Variants in ZSCAN32 observed in about 807,000 individuals in gnomAD.
ZSCAN32 encodes zinc finger and SCAN domain-containing protein 32.
ZSCAN32 carries 52 observed loss-of-function variants against 47.4 expected under a neutral mutation model. That is an observed-to-expected ratio of 1.10 (90% CI 0.88 to 1.38). ZSCAN32 has a LOEUF of 1.38. ZSCAN32 is among the 40% of genes most tolerant of loss of function. The pLI is 0.00. For synonymous variants in ZSCAN32, 346 were observed against 305.7 expected, an observed-to-expected ratio of 1.13 and a Z score of -1.38; for missense variants, 959 against 846.0, an observed-to-expected ratio of 1.13 and a Z score of -1.66.
Position 3,397,643 on chromosome 16 carries a change from T to G in ZSCAN32, c.-86A>C, listed in dbSNP as rs977032043. 11 of 1,427,712 alleles carry G rather than the reference T, an allele frequency of 7.7e-6. No homozygotes were observed. Among genetic ancestry groups the G allele is most frequent in the Non-Finnish European group, 1.0e-5 (11 of 1,084,204 alleles). The allele number at this position is 1,427,712 out of a possible 1,614,324, so 88.4% of individuals were successfully genotyped here. ...TTTCCCACATCACTGGGAAGCCATG[T>G]TCTCCTGCAAGGAATGTCTTTCTGT... is the stretch of plus-strand genomic sequence containing the variant. On this transcript the variant is annotated 5_prime_UTR_variant, in exon 2 of 7. Transcript: ENST00000396852.
rs2033454325 is a variant in ZSCAN32, at chr16:3,397,228, A to C, written c.330T>G (p.Ala110=). The change falls in exon 2 of 7, where the codon GCT becomes GCG. Residue 110 remains alanine (A), a synonymous_variant. Transcript: ENST00000396852. ...GAGCTCTCTGTACATCCTCAACCAG[A>C]GCCACAGCTTCCTCGCCGTTTTCTG... ...QHPENGEEAV[A]LVEDVQRAPG... is the part of the protein sequence containing the mutation. 1 of 1,556,968 alleles carries C rather than the reference A, an allele frequency of 6.4e-7. No individual in the cohort carries two copies. The highest frequency in any genetic ancestry group is 8.7e-7 in the Non-Finnish European group (1 of 1,150,546).
rs1296691704 is a variant in ZSCAN32, at chr16:3,393,673, G to A, written c.508C>T (p.Gln170Ter). Residue 170 changes from glutamine to a stop codon, truncating the protein, a stop_gained, in exon 3 of 7, where the codon CAA (glutamine) becomes TAA (stop). Transcript: ENST00000396852. LOFTEE classifies it high-confidence loss of function. ...CCTTCTGACTGTTCCCCTGGTCTTT[G>A]GTGTGAGCTCTGTGATCCCTTAAAA... is the stretch of plus-strand genomic sequence containing the variant. ...PTFKGSQSSH[Q>*]RPGEQSEAWL... is the part of the protein sequence containing the mutation. 1 of 1,549,022 alleles carries A rather than the reference G, an allele frequency of 6.5e-7. No individual in the cohort carries two copies. Among genetic ancestry groups the A allele is most frequent in the Non-Finnish European group, 8.7e-7 (1 of 1,146,458 alleles).
Position 3,384,769 on chromosome 16 carries a change from G to C in ZSCAN32, c.924C>G (p.Thr308=). Residue 308 remains threonine, a synonymous_variant, in exon 6 of 7, where the codon ACC becomes ACG. Coordinates refer to ENST00000396852, the MANE Select transcript of ZSCAN32 (RefSeq NM_001284527.2). The part of the protein sequence containing the change: ...GFLRTPEQCR[T]KFKSLQLSYR... Reference sequence around the variant, plus strand: ...AACTCAACTGTAGGCTTTTGAACTTGGTGCGACACTGTTCTGGGGTCCGCA... The same window carrying C: ...AACTCAACTGTAGGCTTTTGAACTTCGTGCGACACTGTTCTGGGGTCCGCA... 6.2e-7 allele frequency: 1 copy of C among 1,614,174 alleles called. No individual in the cohort carries two copies. Among genetic ancestry groups the C allele is most frequent in the Non-Finnish European group, 8.5e-7 (1 of 1,180,040 alleles).
intron 3 of ZSCAN32, among the ~76,000 whole-genome samples, chr16:3,392,697 G>A (rs955916690): frequency 6.6e-6 from 1 of 151,950 alleles, no homozygotes; most frequent in Non-Finnish European, 1.5e-5. Context: ...CATGGTGGCG[G>A]GTGCTTTAGT....
At position 3,383,081 on chromosome 16, in the gene ZSCAN32, G is replaced by A; in HGVS notation, c.1865C>T (p.Ala622Val). 1 of 1,614,194 alleles carries A rather than the reference G, an allele frequency of 6.2e-7. No homozygotes were observed. ...CTCCCCAGTGTGGATGCGCCGGTGA[G>A]CACTGAACTGGGAACTGTTGTTGAA... ...KRFNNSSQFS[A>V]HRRIHTGESP... is the part of the protein sequence containing the mutation. Residue 622 changes from alanine to valine, a missense_variant, in exon 7 of 7, where the codon GCT becomes GTT. By Grantham distance (64) the Ala-to-Val change is moderately conservative. Transcript: ENST00000396852.
Position 3,390,135 on chromosome 16 carries a change from T to C in ZSCAN32, c.628-2A>G. 1.2e-6 allele frequency: 2 copies of C among 1,606,420 alleles called. No homozygotes were observed. The highest frequency in any genetic ancestry group is 1.7e-6 in the Non-Finnish European group (2 of 1,176,306). On this transcript the variant is annotated splice_acceptor_variant, in intron 4 of 6. Transcript: ENST00000396852. LOFTEE classifies it high-confidence loss of function. ...TCTGTTGTCACGCATGGCTGGTCCC[T>C]GTAACAACACTGGAGCTGCTGCTAC... is the stretch of plus-strand genomic sequence containing the variant.
chr16:3,389,925 C>A, intron 5 of ZSCAN32, 85 bp downstream of exon 5: 4 of 1,385,440 alleles, frequency 2.9e-6, no homozygotes. Context: ...CCCACTCCCT[C>A]TGTCTCCCTC....
At chr16:3,390,311 AC>A in intron 4 of ZSCAN32, 111 bp downstream of exon 4, 1 of 1,355,374 alleles carries the variant, frequency 7.4e-7, no homozygotes, top group Non-Finnish European at 1.0e-6. Context: ...AATCAAAATA[AC>A]CCGAGAAGCC....
intron 5 of ZSCAN32, among the ~76,000 whole-genome samples, chr16:3,387,060 A>C (rs769703354): frequency 1.3e-5 from 2 of 152,190 alleles, no homozygotes; most frequent in Admixed American, 1.3e-4. Flanking sequence ...CTTTTAGTAT[A>C]ATACAAAAGA....
rs2031692809 is a variant in ZSCAN32, at chr16:3,384,503, TC to T, written c.1189del (p.Glu397LysfsTer5). 5 of 1,614,176 alleles carry T rather than the reference TC, an allele frequency of 3.1e-6. No individual in the cohort carries two copies. Among genetic ancestry groups the T allele is most frequent in the Non-Finnish European group, 4.2e-6 (5 of 1,180,026 alleles). ...DEKDFRNPGQ[E>X]VRKLDLPVLF... ...CACTGGCAGGTCTAGTTTCCTGACT[TC>T]CTGGCCAGGATTCCTGAAGTCCTTT... On this transcript the variant is annotated frameshift_variant, in exon 6 of 7. Transcript: ENST00000396852. LOFTEE classifies it low-confidence loss of function (END_TRUNC).
chr16:3,386,857 G>C (rs1291298719), intron 5 of ZSCAN32, among the ~76,000 whole-genome samples: 2 of 151,520 alleles, frequency 1.3e-5, no homozygotes, highest in African/African-American at 4.9e-5. Flanking sequence ...CGAGTTCATG[G>C]GTGCAGCACA....
At chr16:3,386,098 GA>G (rs1567306728) in intron 5 of ZSCAN32, among the ~76,000 whole-genome samples, 1 of 151,868 alleles carries the variant, frequency 6.6e-6, no homozygotes, top group Non-Finnish European at 1.5e-5. Context: ...AAATTTACAA[GA>G]AAAAAACAAC....
chr16:3,400,813 C>A (rs1271860573), intron 1 of ZSCAN32, 132 bp downstream of exon 1: 3 of 152,266 alleles, frequency 2.0e-5, no homozygotes, highest in Non-Finnish European at 4.4e-5. Context: ...AGGGAGGCTG[C>A]CTGTCCCAAG....
intron 5 of ZSCAN32, among the ~76,000 whole-genome samples, chr16:3,389,255 C>T (rs979416264): frequency 6.6e-6 from 1 of 152,154 alleles, no homozygotes; most frequent in Non-Finnish European, 1.5e-5. Flanking sequence ...GGAAAAACCA[C>T]ACACCACTGG....
chr16:3,383,048 T>C lies in ZSCAN32; in HGVS notation c.1898A>G (p.Tyr633Cys). 2 of 1,614,176 alleles carry C rather than the reference T, an allele frequency of 1.2e-6. No individual in the cohort carries two copies. Among genetic ancestry groups the C allele is most frequent in the Non-Finnish European group, 1.7e-6 (2 of 1,180,014 alleles). ...GATTTTCCCACACACTGCACACTTG[T>C]ATGGGCTCTCCCCAGTGTGGATGCG... ...HRRIHTGESP[Y>C]KCAVCGKIFN... Residue 633 changes from tyrosine (Y) to cysteine (C), a missense_variant, in exon 7 of 7, where the codon TAC (tyrosine) becomes TGC (cysteine). Coordinates refer to ENST00000396852, the MANE Select transcript of ZSCAN32 (RefSeq NM_001284527.2).
chr16:3,389,873 G>GT (rs1596460891), intron 5 of ZSCAN32, 137 bp downstream of exon 5: 2 of 863,164 alleles, frequency 2.3e-6, no homozygotes, highest in East Asian at 5.5e-5. Context: ...GCCTGCTCTG[G>GT]TTCCCCATTT....
rs541598305 is a variant in ZSCAN32, at chr16:3,395,229, G to A, written c.367-1415C>T. Among the ~76,000 whole-genome samples the A allele has an allele frequency of 3.9e-5, 6 of 152,156 alleles. No homozygotes were observed. The South Asian group carries it at 1.0e-3, about 26-fold the overall frequency. ...GGTACTGAGAGGCAAGTGGGGTCCT[G>A]AGAAATTATATCAACCTCTATTACT... On this transcript the variant is annotated intron_variant, in intron 2 of 6. Transcript: ENST00000396852.
intron 2 of ZSCAN32, among the ~76,000 whole-genome samples, chr16:3,394,510 C>T (rs2033181489): frequency 6.6e-6 from 1 of 152,110 alleles, no homozygotes; most frequent in African/African-American, 2.4e-5. Context: ...CTCATGGCTC[C>T]ATCAGGGTCC....
chr16:3,384,268 A>G, intron 6 of ZSCAN32, 191 bp downstream of exon 6: 6 of 736,964 alleles, frequency 8.1e-6, no homozygotes, highest in Admixed American at 3.0e-5. Flanking sequence ...GAGGTTGGCA[A>G]ATGCAAAATC....
Sources: gnomAD v4.1 joint callset for allele counts (sites outside exome capture counted in the v4.1 genomes callset) on GRCh38, gnomAD v4.1.1 for gene constraint, MANE v1.5 for transcripts, NCBI Gene and HGNC (gene_info 2026-07-23, HGNC 2026-07-21) for gene names.